DNAJB6: variants seen among roughly 807,000 people sequenced by gnomAD.
DNAJB6 encodes the protein DnaJ heat shock protein family (Hsp40) member B6, also known as dnaJ homolog subfamily B member 6.
In DNAJB6, 16 loss-of-function variants were observed where a neutral mutation model predicts 42.7. That is an observed-to-expected ratio of 0.37 (90% CI 0.25 to 0.57). DNAJB6 has a LOEUF of 0.57. DNAJB6 is among the 20% of genes least tolerant of loss of function. The pLI is 0.74. For synonymous variants in DNAJB6, 170 were observed against 163.5 expected (o/e 1.04, Z -0.30); for missense variants, 347 against 416.8 (o/e 0.83, Z 1.46).
At chr7:157,342,261 A>G (rs554788375) in intron 1 of DNAJB6, among the ~76,000 whole-genome samples, 309 of 148,754 alleles carry the variant, frequency 2.1e-3, no homozygotes, top group Non-Finnish European at 2.9e-3. Context: ...TCCGCCTCCT[A>G]GTGTCAAGTG....
chr7:157,360,268 C>A (rs1472184879), intron 2 of DNAJB6, among the ~76,000 whole-genome samples: 9 of 152,102 alleles, frequency 5.9e-5, no homozygotes, highest in Non-Finnish European at 1.3e-4. Flanking sequence ...AAGCGGAAAC[C>A]CCTTATAAAC....
intron 8 of DNAJB6, among the ~76,000 whole-genome samples, chr7:157,389,114 A>C (rs936867607): frequency 3.3e-5 from 5 of 152,194 alleles, no homozygotes; most frequent in Admixed American, 1.3e-4. Context: ...GTTCCTTACA[A>C]TGTGGAAACG....
At chr7:157,375,589 G>T (rs1158776528) in intron 5 of DNAJB6, among the ~76,000 whole-genome samples, 1 of 152,228 alleles carries the variant, frequency 6.6e-6, no homozygotes, top group African/African-American at 2.4e-5. Context: ...TCTAGGTGCT[G>T]GTTTGGCAGT....
At chr7:157,386,068 T>C in intron 8 of DNAJB6, 1 of 986,552 alleles carries the variant, frequency 1.0e-6, no homozygotes, top group Non-Finnish European at 1.2e-6. Context: ...TTCAATTTTT[T>C]TCAGTATTTA....
chr7:157,409,444 G>A (rs1795891492), intron 8 of DNAJB6, among the ~76,000 whole-genome samples: 1 of 152,244 alleles, frequency 6.6e-6, no homozygotes, highest in South Asian at 2.1e-4. Flanking sequence ...GGGTGGCTCA[G>A]CTGGCTGGTT....
intron 1 of DNAJB6, among the ~76,000 whole-genome samples, chr7:157,339,500 C>T (rs1412443217): frequency 6.6e-6 from 1 of 151,336 alleles, no homozygotes; most frequent in Non-Finnish European, 1.5e-5. Flanking sequence ...CGGGGTTTCA[C>T]CGTGTTAGCC....
chr7:157,359,789 AG>A (rs1041568630), intron 2 of DNAJB6, among the ~76,000 whole-genome samples: 5 of 152,210 alleles, frequency 3.3e-5, no homozygotes, highest in African/African-American at 1.2e-4. Flanking sequence ...ACTGTGTTCC[AG>A]CTTGGGCAAC....
chr7:157,370,943 A>G (rs1276661780), intron 5 of DNAJB6: 1 of 152,558 alleles, frequency 6.6e-6, no homozygotes, highest in Non-Finnish European at 1.5e-5. Flanking sequence ...TTCAGGGGTC[A>G]ACACCCTGGT....
chr7:157,407,313 T>C (rs1795808257), intron 8 of DNAJB6, among the ~76,000 whole-genome samples: 1 of 152,242 alleles, frequency 6.6e-6, no homozygotes, highest in Non-Finnish European at 1.5e-5. Flanking sequence ...GCGGCTCTTC[T>C]GGCGGCAGTG....
chr7:157,367,659 A>C (rs566433356), intron 5 of DNAJB6, among the ~76,000 whole-genome samples, 176 bp downstream of exon 5: 1 of 152,254 alleles, frequency 6.6e-6, no homozygotes, highest in South Asian at 2.1e-4. Context: ...TTGGGAGTTC[A>C]AGACCAGCCT....
At chr7:157,372,696 G>A (rs1469918222) in intron 5 of DNAJB6, among the ~76,000 whole-genome samples, 1 of 152,174 alleles carries the variant, frequency 6.6e-6, no homozygotes, top group Admixed American at 6.5e-5. Flanking sequence ...CACAGACCCT[G>A]AAGACAGCCT....
chr7:157,408,363 T>A (rs758930), intron 8 of DNAJB6, among the ~76,000 whole-genome samples: 3 of 152,068 alleles, frequency 2.0e-5, no homozygotes, highest in East Asian at 1.9e-4. Context: ...GGCCTGCGCC[T>A]CCTCTTGGGT....
chr7:157,352,747 C>T (rs563739707), intron 1 of DNAJB6, among the ~76,000 whole-genome samples: 10 of 152,288 alleles, frequency 6.6e-5, no homozygotes, highest in African/African-American at 2.4e-4. Flanking sequence ...TCAGGGCTTT[C>T]TTCCCTTGGA....
intron 1 of DNAJB6, chr7:157,340,055 A>G (rs1430634846): frequency 6.6e-6 from 1 of 152,156 alleles, no homozygotes; most frequent in African/African-American, 2.4e-5. Flanking sequence ...GTCTGCTGTA[A>G]AGGTCAGCTT....
At chr7:157,351,262 A>G (rs984148997) in intron 1 of DNAJB6, among the ~76,000 whole-genome samples, 2 of 152,054 alleles carry the variant, frequency 1.3e-5, no homozygotes, top group African/African-American at 2.4e-5. Flanking sequence ...AAAGAATGTT[A>G]AAGGTCAATA....
At chr7:157,386,434 T>G (rs886516355) in intron 8 of DNAJB6, 3 of 375,196 alleles carry the variant, frequency 8.0e-6, no homozygotes, top group African/African-American at 6.6e-5. Flanking sequence ...TGTAGACATT[T>G]TCTTCAGTAT....
At chr7:157,376,264 G>T (rs1000919256) in intron 5 of DNAJB6, among the ~76,000 whole-genome samples, 1 of 152,088 alleles carries the variant, frequency 6.6e-6, no homozygotes, top group Non-Finnish European at 1.5e-5. Context: ...ACTGTTCATT[G>T]TATATATATA....
At chr7:157,347,806 G>GT (rs368112399) in intron 1 of DNAJB6, among the ~76,000 whole-genome samples, 1 of 152,068 alleles carries the variant, frequency 6.6e-6, no homozygotes, top group Non-Finnish European at 1.5e-5. Context: ...TTATTTATTT[G>GT]TTTTTTTGAG....
intron 1 of DNAJB6, among the ~76,000 whole-genome samples, chr7:157,346,740 A>G (rs1798707771): frequency 6.6e-6 from 1 of 152,262 alleles, no homozygotes; most frequent in Non-Finnish European, 1.5e-5. Context: ...CTGAAGCAGT[A>G]AGGAGTGAGC....
Sources: allele counts gnomAD v4.1 joint callset (sites outside exome capture counted in the v4.1 genomes callset), GRCh38; gene constraint gnomAD v4.1.1; transcripts MANE v1.5; gene names NCBI Gene and HGNC (gene_info 2026-07-23, HGNC 2026-07-21).